FRMPD4: variants seen among roughly 807,000 people sequenced by gnomAD.
FRMPD4 encodes FERM and PDZ domain-containing protein 4.
A neutral mutation model predicts 94.1 loss-of-function variants in FRMPD4; 22 were observed. The ratio of observed to expected loss-of-function variants is 0.23; its 90% CI spans 0.17 to 0.33. The LOEUF (loss-of-function observed/expected upper bound fraction) is 0.33. Among genes scored for constraint, FRMPD4 ranks in the 10% least tolerant of loss-of-function variants. The probability of loss-of-function intolerance (pLI) is 1.00; values close to 1 mark genes in which losing one functional copy is unlikely to be tolerated. For synonymous variants in FRMPD4, 631 were observed against 548.6 expected, an observed-to-expected ratio of 1.15 and a Z score of -2.10; for missense variants, 1,111 against 1,339.9, an observed-to-expected ratio of 0.83 and a Z score of 2.67.
intron 3 of FRMPD4, among the ~76,000 whole-genome samples, chrX:11,970,603 A>C (rs1447323029): frequency 8.9e-6 from 1 of 112,415 alleles, no homozygotes; most frequent in East Asian, 2.8e-4. Flanking sequence ...TGAACTATAC[A>C]AGAACCACCA....
At chrX:12,043,940 T>A (rs1240763199) in intron 3 of FRMPD4, among the ~76,000 whole-genome samples, 1 of 111,948 alleles carries the variant, frequency 8.9e-6, no homozygotes, top group African/African-American at 3.2e-5. Context: ...ATTTTTATGA[T>A]AAAATATAGT....
chrX:11,837,757 G>C (rs943152899), intron 1 of FRMPD4, among the ~76,000 whole-genome samples: 3 of 111,510 alleles, frequency 2.7e-5, no homozygotes, highest in African/African-American at 9.8e-5. Context: ...GTTTTCTTGT[G>C]TATGTTTAAG....
rs778602481 is a variant in FRMPD4, at chrX:11,959,108, T to A, written c.95+81090T>A. On this transcript the variant is annotated intron_variant, in intron 3 of 18. Coordinates refer to the FRMPD4 transcript ENST00000640291. ...TATTTTTTAAAGTTATTTCCATAAG[T>A]GAAGCAGGCACATCTTGTTCCCACC... 2.7e-5 allele frequency among the ~76,000 whole-genome samples: 3 copies of A among 112,737 alleles called. No individual in the cohort carries two copies. The South Asian group carries it at 1.1e-3, about 41-fold the overall frequency.
At chrX:12,453,034 T>C (rs1309715996) in intron 1 of FRMPD4, among the ~76,000 whole-genome samples, 1 of 112,234 alleles carries the variant, frequency 8.9e-6, no homozygotes, top group African/African-American at 3.2e-5. Flanking sequence ...TGACTCTCAT[T>C]ACTCAAAAAT....
rs778847501 is a variant in FRMPD4 at position 12,132,183 on chromosome X, A to G, written c.95+254165A>G. On this transcript the variant is annotated intron_variant, in intron 3 of 18. Coordinates refer to the FRMPD4 transcript ENST00000640291. ...GAGGATATATAAATAATGTGGATCT[A>G]TTTTGGAGGTAGATCTGAATGATTT... 2.7e-3 allele frequency among the ~76,000 whole-genome samples: 297 copies of G among 110,258 alleles called. 1 individual carries two copies. The highest frequency in any genetic ancestry group is 9.5e-3 in the African/African-American group (288 of 30,342).
chrX:12,678,940 C>G (rs1401326262), intron 5 of FRMPD4, among the ~76,000 whole-genome samples: 3 of 112,701 alleles, frequency 2.7e-5, no homozygotes, highest in Non-Finnish European at 5.6e-5. Context: ...ATTCACATTC[C>G]TTTAGGTTTC....
rs142563237 is a variant in FRMPD4 at position 12,034,152 on chromosome X, G to A, written c.95+156134G>A. On this transcript the variant is annotated intron_variant, in intron 3 of 18. Transcript: ENST00000640291. ...GAGACATCTTTGAGGAAACATATGG[G>A]AGAGAAGAAAAAAAGTCAACCATAA... Among the ~76,000 whole-genome samples, 917 of 111,976 alleles carry A rather than the reference G, an allele frequency of 8.2e-3. 12 individuals are homozygous for A. Among genetic ancestry groups the A allele is most frequent in the African/African-American group, 0.028 (854 of 30,807 alleles).
At chrX:12,052,770 G>T (rs906364501) in intron 3 of FRMPD4, among the ~76,000 whole-genome samples, 3 of 111,440 alleles carry the variant, frequency 2.7e-5, no homozygotes, top group Non-Finnish European at 5.6e-5. Flanking sequence ...TATTTAGTAA[G>T]CATTCTCTCA....
intron 2 of FRMPD4, among the ~76,000 whole-genome samples, chrX:12,522,304 G>A (rs114799246): frequency 0.018 from 1,979 of 111,146 alleles, 57 homozygotes; most frequent in African/African-American, 0.062. Context: ...TGCACTGGCC[G>A]GGGTCTGAGG....
chrX:12,555,902 TTTTC>T (rs1165754795), intron 2 of FRMPD4, among the ~76,000 whole-genome samples: 2 of 111,955 alleles, frequency 1.8e-5, no homozygotes, highest in Admixed American at 1.9e-4. Context: ...CATGCCATTT[TTTTC>T]TTTCTTTTTA....
chrX:12,415,117 G>T (rs185328426), intron 1 of FRMPD4, among the ~76,000 whole-genome samples: 1 of 111,077 alleles, frequency 9.0e-6, no homozygotes, highest in Admixed American at 9.6e-5. Flanking sequence ...GGTGTTCCAT[G>T]TAAGCCATTC....
chrX:12,542,252 C>T (rs374664962), intron 2 of FRMPD4, among the ~76,000 whole-genome samples: 1 of 111,113 alleles, frequency 9.0e-6, no homozygotes, highest in Non-Finnish European at 1.9e-5. Context: ...AATCAGGCAG[C>T]AGAAAGAAAT....
chrX:12,093,133 G>A, intron 3 of FRMPD4, among the ~76,000 whole-genome samples: 1 of 111,438 alleles, frequency 9.0e-6, no homozygotes, highest in Non-Finnish European at 1.9e-5. Context: ...AATTAAAGAG[G>A]TAAGTGGGGA....
chrX:12,304,379 G>A (rs2054903113), intron 1 of FRMPD4, among the ~76,000 whole-genome samples: 1 of 110,657 alleles, frequency 9.0e-6, no homozygotes, highest in Non-Finnish European at 1.9e-5. Context: ...CCTGTACATT[G>A]CAGGATGTTT....
intron 3 of FRMPD4, among the ~76,000 whole-genome samples, chrX:12,007,769 A>G (rs1288543063): frequency 1.8e-5 from 2 of 112,453 alleles, no homozygotes; most frequent in African/African-American, 3.2e-5. Flanking sequence ...GCTTTTTAAT[A>G]AAGAGTAAAA....
At chrX:12,711,585 T>C (rs1315524515) in intron 14 of FRMPD4, among the ~76,000 whole-genome samples, 1 of 111,327 alleles carries the variant, frequency 9.0e-6, no homozygotes, top group Non-Finnish European at 1.9e-5. Context: ...CCATCTACAG[T>C]GGATGCTTAG....
At chrX:12,167,106 G>T (rs12854365) in intron 1 of FRMPD4, among the ~76,000 whole-genome samples, 16,058 of 110,683 alleles carry the variant, frequency 0.15, 983 homozygotes, top group South Asian at 0.31. Flanking sequence ...TTTTGAATGT[G>T]TTTGCTCTTG....
intron 1 of FRMPD4, among the ~76,000 whole-genome samples, chrX:12,428,775 T>A (rs2056979644): frequency 1.8e-5 from 2 of 112,097 alleles, no homozygotes; most frequent in Admixed American, 1.9e-4. Flanking sequence ...CTCTGATTTC[T>A]TTCATTTTTT....
At position 12,665,982 on chromosome X, in the gene FRMPD4, A is replaced by G. The variant is rs1450180331; in HGVS notation, c.423-8881A>G. On this transcript the variant is annotated intron_variant, in intron 4 of 16. Transcript: ENST00000675598. ...CCAATTAAAAGACACAGACTGGCGA[A>G]TTGGATAAAGAGTCAAGACCCATCG... Among the ~76,000 whole-genome samples the G allele has an allele frequency of 2.3e-4, 26 of 111,313 alleles. No individual in the cohort carries two copies. In the Admixed American group the frequency reaches 2.5e-3, roughly 11 times the overall value.
Sources: allele counts gnomAD v4.1 joint callset (sites outside exome capture counted in the v4.1 genomes callset), GRCh38; gene constraint gnomAD v4.1.1; transcripts MANE v1.5; gene names NCBI Gene and HGNC (gene_info 2026-07-23, HGNC 2026-07-21).